Variants in LRRC23 observed in about 807,000 individuals in gnomAD.
The protein encoded by LRRC23 is leucine rich repeat containing 23, also known as leucine-rich repeat-containing protein 23.
A neutral mutation model predicts 37.7 loss-of-function variants in LRRC23; 28 were observed. The ratio of observed to expected loss-of-function variants is 0.74; its 90% CI spans 0.55 to 1.02. LRRC23 has a LOEUF of 1.02. LRRC23 is among the 50% of genes least tolerant of loss of function. LRRC23 has a pLI of 0.00. For missense variants in LRRC23, 377 were observed against 413.2 expected (o/e 0.91, Z 0.76); for synonymous variants, 161 against 165.4 (o/e 0.97, Z 0.20).
At chr12:6,908,157 G>A (rs1462266552) in intron 5 of LRRC23, among the ~76,000 whole-genome samples, 1 of 152,042 alleles carries the variant, frequency 6.6e-6, no homozygotes, top group Non-Finnish European at 1.5e-5. Flanking sequence ...GCCCTTCCCA[G>A]ATGCATCACC....
intron 3 of LRRC23, among the ~76,000 whole-genome samples, 199 bp downstream of exon 3, chr12:6,906,153 A>G (rs559612825): frequency 6.6e-6 from 1 of 152,068 alleles, no homozygotes; most frequent in Non-Finnish European, 1.5e-5. Context: ...TTGAGAGTAT[A>G]TGGGGGGATT....
intron 6 of LRRC23, among the ~76,000 whole-genome samples, chr12:6,911,548 T>G (rs1331820300): frequency 6.6e-6 from 1 of 152,012 alleles, no homozygotes; most frequent in African/African-American, 2.4e-5. Context: ...GATTGGCAGG[T>G]GCCTCTGGGG....
intron 5 of LRRC23, 97 bp from the exon 6 acceptor site, chr12:6,909,793 C>A: frequency 8.3e-7 from 1 of 1,199,424 alleles, no homozygotes; most frequent in Non-Finnish European, 1.2e-6. Flanking sequence ...CCCTCTCTAC[C>A]TCTTGGATTT....
intron 4 of LRRC23, 151 bp downstream of exon 4, chr12:6,906,813 A>G (rs965828494): frequency 3.5e-6 from 3 of 848,370 alleles, no homozygotes; most frequent in Non-Finnish European, 5.5e-6. Flanking sequence ...ACAGTTCTAC[A>G]TGCTAACCAT....
chr12:6,906,102 C>G (rs2138138748), intron 3 of LRRC23, 148 bp downstream of exon 3: 1 of 733,226 alleles, frequency 1.4e-6, no homozygotes. Flanking sequence ...TTCAGGAGCT[C>G]TGAGACTTCT....
intron 6 of LRRC23, 52 bp downstream of exon 6, chr12:6,910,078 C>T: frequency 6.5e-7 from 1 of 1,535,138 alleles, no homozygotes; most frequent in Non-Finnish European, 8.8e-7. Flanking sequence ...CCAGGTGCAG[C>T]TTTTGAGTCT....
At chr12:6,912,618 C>G (rs1945188732) in intron 6 of LRRC23, 112 bp from the exon 7 acceptor site, 3 of 961,354 alleles carry the variant, frequency 3.1e-6, no homozygotes, top group Non-Finnish European at 1.6e-6. Flanking sequence ...CCAGTCCTCA[C>G]AGTGTTTCTA....
At chr12:6,913,223 T>G in intron 7 of LRRC23, 196 bp downstream of exon 7, 1 of 577,316 alleles carries the variant, frequency 1.7e-6, no homozygotes, top group Non-Finnish European at 3.0e-6. Flanking sequence ...GAGAAAGACT[T>G]AGGAGGCCAG....
rs947066792 is a variant in LRRC23 at position 6,914,188 on chromosome 12, C to T, written c.*322C>T. On this transcript the variant is annotated 3_prime_UTR_variant, in exon 8 of 8. Transcript: ENST00000443597. This position sits in a 1 kb window ranked among gnomAD's most constrained non-coding sequence, Gnocchi z 7.1. ...GAGTGGTTGGAGAGACTTGCGAAGG[C>T]GGCTGGGGTGTTCGGATTTCCAATA... is the stretch of plus-strand genomic sequence containing the variant. 3 of 907,586 alleles carry T rather than the reference C, an allele frequency of 3.3e-6. No homozygotes were observed. The highest frequency in any genetic ancestry group is 3.4e-5 in the African/African-American group (2 of 59,302). The allele number at this position is 907,586 out of a possible 1,614,324, so 56.2% of individuals were successfully genotyped here. A position where few individuals can be genotyped will look rare whatever the true frequency, so the allele number is the denominator to read the frequency against.
At chr12:6,908,949 A>C (rs1945026975) in intron 5 of LRRC23, among the ~76,000 whole-genome samples, 1 of 135,156 alleles carries the variant, frequency 7.4e-6, no homozygotes, top group Non-Finnish European at 1.5e-5. Flanking sequence ...GGCCCAGCAC[A>C]CCCAACTTTA....
At chr12:6,906,011 TC>T in intron 3 of LRRC23, 57 bp downstream of exon 3, 1 of 1,407,286 alleles carries the variant, frequency 7.1e-7, no homozygotes, top group Non-Finnish European at 1.0e-6. Flanking sequence ...CTATCTCCTT[TC>T]CCACTGTCAT....
chr12:6,908,596 C>CA (rs61662814), intron 5 of LRRC23, among the ~76,000 whole-genome samples: 6,630 of 30,370 alleles, frequency 0.22, 917 homozygotes, highest in Non-Finnish European at 0.34. Flanking sequence ...GACTCCATCT[C>CA]AAAAAAAAAA....
intron 6 of LRRC23, 77 bp downstream of exon 6, chr12:6,910,103 C>G: frequency 7.2e-7 from 1 of 1,386,374 alleles, no homozygotes; most frequent in Non-Finnish European, 9.8e-7. Flanking sequence ...TCTTCCCTGG[C>G]CCAATCCCCC....
chr12:6,905,839 C>T lies in LRRC23; in HGVS notation c.127-6C>T. 1 of 1,613,282 alleles carries T rather than the reference C, an allele frequency of 6.2e-7. No homozygotes were observed. Among genetic ancestry groups the T allele is most frequent in the Non-Finnish European group, 8.5e-7 (1 of 1,179,318 alleles). ...GAGAGACACCTTACTCCACTTCTACCTGCAGTGGCTGCCCACCCCCCTCAC... is the reference window on the plus strand; with the variant it reads ...GAGAGACACCTTACTCCACTTCTACTTGCAGTGGCTGCCCACCCCCCTCAC... On this transcript the variant is annotated splice_region_variant and splice_polypyrimidine_tract_variant and intron_variant, in intron 2 of 7. Transcript: ENST00000443597.
rs1555140498 is a variant in LRRC23, at chr12:6,909,964, C to G, written c.696C>G (p.Asn232Lys). 5 of 1,613,892 alleles carry G rather than the reference C, an allele frequency of 3.1e-6. No individual in the cohort carries two copies. The highest frequency in any genetic ancestry group is 1.1e-5 in the South Asian group (1 of 91,072). ...TCACCACCTTGCATCTTCGAGACAA[C>G]CAGATTGACACCCTGAGTGGCTTCT... ...SNLTTLHLRD[N>K]QIDTLSGFSR... Residue 232 changes from asparagine (N) to lysine (K), a missense_variant, in exon 6 of 8, where the codon AAC becomes AAG. Physicochemically the swap from Asn to Lys is moderately conservative, Grantham distance 94. Transcript: ENST00000443597.
rs377066816 is a variant in LRRC23 at position 6,905,838 on chromosome 12, C to T, written c.127-7C>T. 1.2e-6 allele frequency: 2 copies of T among 1,613,058 alleles called. No homozygotes were observed. The highest frequency in any genetic ancestry group is 2.2e-5 in the East Asian group (1 of 44,876). ...GGAGAGACACCTTACTCCACTTCTA[C>T]CTGCAGTGGCTGCCCACCCCCCTCA... On this transcript the variant is annotated splice_region_variant and splice_polypyrimidine_tract_variant and intron_variant, in intron 2 of 7. Transcript: ENST00000443597.
rs368271790 is a variant in LRRC23, at chr12:6,912,837, G to A, written c.866G>A (p.Arg289His). 3.5e-5 allele frequency: 56 copies of A among 1,613,996 alleles called. No individual in the cohort carries two copies. Among genetic ancestry groups the A allele is most frequent in the Admixed American group, 8.3e-5 (5 of 59,994 alleles). Residue 289 changes from arginine (R) to histidine (H), a missense_variant, in exon 7 of 8, where the codon CGC becomes CAC. This residue lies in a region of LRRC23 where 266 missense variants were observed against 285.6 expected (regional missense o/e 0.93). Coordinates refer to ENST00000443597, the MANE Select transcript of LRRC23 (RefSeq NM_001135217.2). ...DNPCTDETSYRQEALVQMPYL... is the reference protein window; with the variant it reads ...DNPCTDETSYHQEALVQMPYL... ...CCATGCACGGACGAAACCAGCTACC[G>A]CCAGGAGGCCCTGGTGCAGATGCCA...
intron 5 of LRRC23, 53 bp from the exon 6 acceptor site, chr12:6,909,837 T>C: frequency 6.5e-7 from 1 of 1,542,098 alleles, no homozygotes; most frequent in Non-Finnish European, 8.8e-7. Context: ...GACTTCTCTT[T>C]CTTCCCTATC....
intron 5 of LRRC23, among the ~76,000 whole-genome samples, chr12:6,908,770 GC>G (rs1389202638): frequency 6.7e-6 from 1 of 148,606 alleles, no homozygotes; most frequent in African/African-American, 2.5e-5. Flanking sequence ...CTTGCAGTGA[GC>G]CGAGATTGCG....
Sources: gnomAD v4.1 joint callset for allele counts (sites outside exome capture counted in the v4.1 genomes callset) on GRCh38, gnomAD v4.1.1 for gene constraint, gnomAD v4.1.1 regional missense constraint, Gnocchi (gnomAD v3.1) non-coding constraint, MANE v1.5 for transcripts, NCBI Gene and HGNC (gene_info 2026-07-23, HGNC 2026-07-21) for gene names.